Variants in PRORP observed in about 807,000 individuals in gnomAD.
PRORP encodes the protein mitochondrial ribonuclease P catalytic subunit.
In PRORP, 51 loss-of-function variants were observed where a neutral mutation model predicts 59.4. The ratio of observed to expected loss-of-function variants is 0.86; its 90% CI spans 0.69 to 1.08. The LOEUF is 1.08. Ranked by LOEUF, PRORP falls within the 50% of genes least tolerant of loss-of-function variation. The pLI is 0.00. For missense variants in PRORP, 646 were observed against 690.3 expected (o/e 0.94, Z 0.72); for synonymous variants, 231 against 245.6 (o/e 0.94, Z 0.55).
intron 4 of PRORP, among the ~76,000 whole-genome samples, chr14:35,129,054 A>T (rs1052808515): frequency 5.3e-5 from 8 of 152,036 alleles, no homozygotes; most frequent in African/African-American, 1.9e-4. Context: ...AAAAAAAAAA[A>T]AAAATTAGCT....
intron 4 of PRORP, among the ~76,000 whole-genome samples, chr14:35,131,454 T>G (rs1352776935): frequency 6.6e-6 from 1 of 152,160 alleles, no homozygotes; most frequent in Non-Finnish European, 1.5e-5. Context: ...GCCTGTAAGG[T>G]TTCCACTGAA....
At chr14:35,181,569 G>A (rs1290183851) in intron 5 of PRORP, among the ~76,000 whole-genome samples, 1 of 152,170 alleles carries the variant, frequency 6.6e-6, no homozygotes, top group Non-Finnish European at 1.5e-5. Context: ...TGGATCATCA[G>A]AGGTCAGGTG....
At chr14:35,204,545 CT>C (rs2049241570) in intron 5 of PRORP, among the ~76,000 whole-genome samples, 1 of 152,086 alleles carries the variant, frequency 6.6e-6, no homozygotes, top group Non-Finnish European at 1.5e-5. Flanking sequence ...TTTTGAGGGC[CT>C]CCTTGTTTTA....
intron 4 of PRORP, 43 bp from the exon 5 acceptor site, chr14:35,180,608 GTGTTTATAATAAAGTCCTT>G: frequency 1.1e-6 from 1 of 916,358 alleles, no homozygotes; most frequent in Non-Finnish European, 1.8e-6. Flanking sequence ...TCACTGCAGT[GTGTTTATAATAAAGTCCTT>G]ACTGAGTTCT....
intron 5 of PRORP, among the ~76,000 whole-genome samples, chr14:35,212,566 T>G (rs962509316): frequency 6.6e-6 from 1 of 152,176 alleles, no homozygotes; most frequent in African/African-American, 2.4e-5. Context: ...GCATTGTCAA[T>G]GAACAGTAAT....
In PRORP at chr14:35,123,210, A is replaced by G. The variant is rs1566436635; in HGVS notation, c.-36A>G. ...GCCATAGAAGAGGGGTTTTTTCAAC[A>G]TCTCTCTCACTATCTGGTGCTGATC... is the stretch of plus-strand genomic sequence containing the variant. On this transcript the variant is annotated 5_prime_UTR_variant, in exon 2 of 8. Coordinates refer to ENST00000534898, the MANE Select transcript of PRORP (RefSeq NM_014672.4). 1 of 1,564,906 alleles carries G rather than the reference A, an allele frequency of 6.4e-7. No homozygotes were observed. Among genetic ancestry groups the G allele is most frequent in the East Asian group, 2.3e-5 (1 of 44,246 alleles).
At chr14:35,129,232 GT>G (rs2047175059) in intron 4 of PRORP, among the ~76,000 whole-genome samples, 2 of 151,876 alleles carry the variant, frequency 1.3e-5, no homozygotes, top group South Asian at 4.2e-4. Flanking sequence ...GCATATTTAG[GT>G]TGTTTATTTT....
chr14:35,174,900 A>AC (rs1334412662), intron 4 of PRORP, among the ~76,000 whole-genome samples: 8 of 52,652 alleles, frequency 1.5e-4, no homozygotes, highest in African/African-American at 5.4e-4. Context: ...CCCTCCCCCC[A>AC]CCCCACGACA....
At chr14:35,223,799 G>C (rs551216709) in intron 5 of PRORP, among the ~76,000 whole-genome samples, 19 of 152,254 alleles carry the variant, frequency 1.2e-4, no homozygotes, top group African/African-American at 4.1e-4. Flanking sequence ...AGATTCCAGA[G>C]ATTGTTATTA....
At chr14:35,266,684 G>C (rs759562396) in intron 5 of PRORP, 43 bp from the exon 6 acceptor site, 27 of 1,604,880 alleles carry the variant, frequency 1.7e-5, no homozygotes, top group Non-Finnish European at 2.2e-5. Context: ...TAATTTGAGA[G>C]TCTTCCCTTG....
At chr14:35,203,037 A>C (rs960720617) in intron 5 of PRORP, among the ~76,000 whole-genome samples, 1 of 152,188 alleles carries the variant, frequency 6.6e-6, no homozygotes, top group African/African-American at 2.4e-5. Flanking sequence ...GTAGTGTTAA[A>C]TTTTTTTAAT....
chr14:35,209,454 T>G (rs952332202), intron 5 of PRORP, among the ~76,000 whole-genome samples: 1 of 152,234 alleles, frequency 6.6e-6, no homozygotes, highest in Non-Finnish European at 1.5e-5. Context: ...CAAGCCCTAA[T>G]TATACTGTTT....
At position 35,155,561 on chromosome 14, in the gene PRORP, A is replaced by T. The variant is rs1016172938; in HGVS notation, c.1168-25109A>T. ...ACATAGCGAGACCTGGTGTCTATTTAAAAAAAAAAAAAAAAAAAAAAGCTG... is the reference window on the plus strand; with the variant it reads ...ACATAGCGAGACCTGGTGTCTATTTTAAAAAAAAAAAAAAAAAAAAAGCTG... On this transcript the variant is annotated intron_variant, in intron 4 of 7. Transcript: ENST00000534898. Among the ~76,000 whole-genome samples the T allele has an allele frequency of 1.8e-3, 18 of 10,228 alleles. No homozygotes were observed. The East Asian group carries it at 0.066, about 38-fold the overall frequency. The allele number at this position is 10,228 out of a possible 152,430, so 6.7% of individuals were successfully genotyped here.
intron 4 of PRORP, among the ~76,000 whole-genome samples, chr14:35,161,584 T>A (rs2048061345): frequency 6.6e-6 from 1 of 152,198 alleles, no homozygotes; most frequent in South Asian, 2.1e-4. Context: ...CTGCCTTTTT[T>A]ATTTTTTGGC....
intron 5 of PRORP, among the ~76,000 whole-genome samples, chr14:35,263,580 C>T (rs1159645118): frequency 6.6e-6 from 1 of 152,048 alleles, no homozygotes; most frequent in African/African-American, 2.4e-5. Flanking sequence ...CCAAGGTACT[C>T]AGGAGGCTGA....
intron 5 of PRORP, among the ~76,000 whole-genome samples, chr14:35,191,347 C>T (rs549617100): frequency 6.6e-6 from 1 of 152,138 alleles, no homozygotes; most frequent in African/African-American, 2.4e-5. Flanking sequence ...TCCCAAGCCA[C>T]GTGGAACTGT....
intron 5 of PRORP, among the ~76,000 whole-genome samples, chr14:35,188,010 T>C (rs1235749801): frequency 6.8e-6 from 1 of 147,372 alleles, no homozygotes; most frequent in Non-Finnish European, 1.5e-5. Flanking sequence ...CCACCACACC[T>C]GGCTAATTTT....
intron 4 of PRORP, among the ~76,000 whole-genome samples, chr14:35,146,265 C>T (rs376693320): frequency 7.2e-5 from 11 of 152,140 alleles, no homozygotes; most frequent in Admixed American, 1.3e-4. Context: ...GCAAATTGCC[C>T]GTGGTACATT....
At chr14:35,192,981 G>GTA (rs2048921121) in intron 5 of PRORP, among the ~76,000 whole-genome samples, 1 of 139,916 alleles carries the variant, frequency 7.1e-6, no homozygotes, top group Admixed American at 7.3e-5. Context: ...TGACAGAGTA[G>GTA]AAAAAAAAAA....
Sources: allele counts gnomAD v4.1 joint callset (sites outside exome capture counted in the v4.1 genomes callset), GRCh38; gene constraint gnomAD v4.1.1; transcripts MANE v1.5; gene names NCBI Gene and HGNC (gene_info 2026-07-23, HGNC 2026-07-21).